RBPJ: variants seen among roughly 807,000 people sequenced by gnomAD.
RBPJ encodes the protein recombination signal binding protein for immunoglobulin kappa J region, also known as recombining binding protein suppressor of hairless.
In RBPJ, 9 loss-of-function variants were observed where a neutral mutation model predicts 67.8. That is an observed-to-expected ratio of 0.13 (90% CI 0.08 to 0.23). The LOEUF (loss-of-function observed/expected upper bound fraction) is 0.23. RBPJ is among the 10% of genes least tolerant of loss of function. The pLI, the probability that RBPJ is intolerant of heterozygous loss-of-function variation, is 1.00. For synonymous variants in RBPJ, 198 were observed against 203.3 expected (o/e 0.97, Z 0.22); for missense variants, 305 against 595.6 (o/e 0.51, Z 5.08).
upstream of RBPJ, chr4:26,319,826 T>G: frequency 1.3e-6 from 2 of 1,563,388 alleles, no homozygotes; most frequent in Non-Finnish European, 1.8e-6. Flanking sequence ...CGGGAGGCAG[T>G]GCTGGATCTG....
At chr4:26,179,319 C>G (rs568262642) in intron 1 of RBPJ, among the ~76,000 whole-genome samples, 3 of 150,716 alleles carry the variant, frequency 2.0e-5, no homozygotes, top group South Asian at 2.1e-4. Context: ...GAAAGCTCCC[C>G]CAGAAAGAAC....
At chr4:26,229,422 T>C (rs1719197379) in intron 1 of RBPJ, among the ~76,000 whole-genome samples, 1 of 152,206 alleles carries the variant, frequency 6.6e-6, no homozygotes, top group African/African-American at 2.4e-5. Context: ...TTCTTCCTCC[T>C]GTTGGTGGCC....
chr4:26,178,294 G>A (rs1228250280), intron 1 of RBPJ, among the ~76,000 whole-genome samples: 1 of 152,172 alleles, frequency 6.6e-6, no homozygotes, highest in East Asian at 1.9e-4. Flanking sequence ...TATAGAACAG[G>A]GACTCCATGG....
intron 1 of RBPJ, among the ~76,000 whole-genome samples, chr4:26,187,741 G>A (rs1385779821): frequency 2.0e-5 from 3 of 152,104 alleles, no homozygotes; most frequent in Non-Finnish European, 2.9e-5. Context: ...GTAGATGGGG[G>A]CTGGGCACTG....
chr4:26,200,301 G>A (rs1031324638), intron 1 of RBPJ, among the ~76,000 whole-genome samples: 1 of 152,190 alleles, frequency 6.6e-6, no homozygotes, highest in Admixed American at 6.5e-5. Context: ...TATTAATCCA[G>A]GAGGTTATTG....
the RBPJ span, among the ~76,000 whole-genome samples, chr4:26,108,404 A>G: frequency 6.6e-6 from 1 of 152,338 alleles, no homozygotes; most frequent in Non-Finnish European, 1.5e-5. Context: ...GCCTTGGTGC[A>G]TTCCATGATG....
chr4:26,147,652 G>A, the RBPJ span, among the ~76,000 whole-genome samples: 1 of 152,030 alleles, frequency 6.6e-6, no homozygotes, highest in Non-Finnish European at 1.5e-5. Context: ...ACAGTGTCTC[G>A]CTCTGTCGCA....
intron 1 of RBPJ, among the ~76,000 whole-genome samples, chr4:26,294,540 A>C (rs908726654): frequency 6.6e-6 from 1 of 152,094 alleles, no homozygotes; most frequent in Admixed American, 6.6e-5. Flanking sequence ...ACCTAGAAAG[A>C]GGTGATGGTG....
the RBPJ span, among the ~76,000 whole-genome samples, chr4:26,157,691 A>G: frequency 2.0e-5 from 3 of 152,194 alleles, no homozygotes; most frequent in African/African-American, 7.2e-5. Context: ...TTATTTCTCA[A>G]CATCTTGACT....
At chr4:26,379,825 C>T (rs972346235) in intron 1 of RBPJ, among the ~76,000 whole-genome samples, 4 of 152,164 alleles carry the variant, frequency 2.6e-5, no homozygotes, top group African/African-American at 9.7e-5. Flanking sequence ...ATTCTCCTGA[C>T]TTGGCCTCCC....
chr4:26,182,370 T>C (rs965697451), intron 1 of RBPJ, among the ~76,000 whole-genome samples: 18 of 151,638 alleles, frequency 1.2e-4, no homozygotes, highest in East Asian at 1.9e-4. Flanking sequence ...ACAAACAAAA[T>C]TTTTGACTCT....
chr4:26,377,164 C>A (rs904988470), intron 1 of RBPJ, among the ~76,000 whole-genome samples: 1 of 152,178 alleles, frequency 6.6e-6, no homozygotes, highest in Non-Finnish European at 1.5e-5. Flanking sequence ...TTACTCAGTG[C>A]TGGACACTAT....
At chr4:26,208,915 C>T (rs1305479795) in intron 1 of RBPJ, among the ~76,000 whole-genome samples, 1 of 152,056 alleles carries the variant, frequency 6.6e-6, no homozygotes, top group African/African-American at 2.4e-5. Context: ...AGTAGATATT[C>T]AATATTTGTT....
upstream of RBPJ, among the ~76,000 whole-genome samples, chr4:26,316,492 T>C (rs1722629051): frequency 1.2e-5 from 1 of 84,464 alleles, no homozygotes. Flanking sequence ...CATATTCATA[T>C]ATATATTCAT....
intron 1 of RBPJ, among the ~76,000 whole-genome samples, chr4:26,262,329 C>T (rs953060558): frequency 3.3e-5 from 5 of 152,202 alleles, no homozygotes; most frequent in Non-Finnish European, 5.9e-5. Context: ...CCCACCTCAG[C>T]CTCCTGAGTA....
intron 1 of RBPJ, among the ~76,000 whole-genome samples, chr4:26,255,360 C>T (rs1197861729): frequency 9.5e-5 from 10 of 105,134 alleles, no homozygotes; most frequent in African/African-American, 1.4e-4. Context: ...GCCGAGATCG[C>T]GCCACCGCAC....
chr4:26,243,199 C>G (rs1719709021), intron 1 of RBPJ, among the ~76,000 whole-genome samples: 3 of 152,134 alleles, frequency 2.0e-5, no homozygotes, highest in Admixed American at 1.3e-4. Flanking sequence ...TGCACTCCAG[C>G]CTGGGCAACA....
chr4:26,427,372 G>A (rs924447687), intron 7 of RBPJ, among the ~76,000 whole-genome samples: 1 of 152,296 alleles, frequency 6.6e-6, no homozygotes, highest in South Asian at 2.1e-4. Context: ...GTTAGACATC[G>A]TAAGTGGAAA....
Position 26,212,434 on chromosome 4 carries a change from T to TTC in RBPJ, c.-167+48821_-167+48822insCT, listed in dbSNP as rs1718459462. Among the ~76,000 whole-genome samples, 5 of 66,956 alleles carry TTC rather than the reference T, an allele frequency of 7.5e-5. No homozygotes were observed. In the East Asian group the frequency reaches 2.1e-3, roughly 28 times the overall value. The allele number at this position is 66,956 out of a possible 152,430, so 43.9% of individuals were successfully genotyped here. A position where few individuals can be genotyped will look rare whatever the true frequency, so the allele number is the denominator to read the frequency against. On this transcript the variant is annotated intron_variant, in intron 1 of 4. Coordinates refer to the RBPJ transcript ENST00000512351. ...CTCCTGCCTTTTTCTTTTCTTTTCT[T>TTC]TTTTTTTTTTTTTTTTTTTTGAGAC...
Sources: allele counts gnomAD v4.1 joint callset (sites outside exome capture counted in the v4.1 genomes callset), GRCh38; gene constraint gnomAD v4.1.1; transcripts MANE v1.5; gene names NCBI Gene and HGNC (gene_info 2026-07-23, HGNC 2026-07-21).